Variants in ZNF365 observed in about 807,000 individuals in gnomAD.
The protein encoded by ZNF365 is zinc finger protein 365.
A neutral mutation model predicts 35.0 loss-of-function variants in ZNF365; 22 were observed. That is an observed-to-expected ratio of 0.63 (90% CI 0.45 to 0.90). ZNF365 has a LOEUF of 0.90. Among genes scored for constraint, ZNF365 ranks in the 40% least tolerant of loss-of-function variants. The pLI is 0.00. For missense variants in ZNF365, 448 were observed against 500.3 expected, an observed-to-expected ratio of 0.90 and a Z score of 1.00; for synonymous variants, 188 against 196.2, an observed-to-expected ratio of 0.96 and a Z score of 0.35.
downstream of ZNF365, chr10:62,402,498 T>C: frequency 1.0e-6 from 1 of 978,184 alleles, no homozygotes; most frequent in Non-Finnish European, 1.2e-6. Flanking sequence ...GGGAGCCAAG[T>C]ATGTTGATCC....
chr10:62,455,161 T>C (rs1473882648), intron 3 of ZNF365, among the ~76,000 whole-genome samples: 6 of 151,396 alleles, frequency 4.0e-5, no homozygotes, highest in Admixed American at 3.3e-4. Context: ...AGCAGGGGAG[T>C]GTTATAAATG....
intron 3 of ZNF365, 104 bp from the exon 4 acceptor site, chr10:62,398,636 T>G: frequency 9.9e-7 from 1 of 1,013,336 alleles, no homozygotes; most frequent in Non-Finnish European, 1.5e-6. Flanking sequence ...AGTCACTGAC[T>G]CCCTTAATGG....
chr10:62,469,785 A>G (rs1200928270), intron 4 of ZNF365, among the ~76,000 whole-genome samples: 1 of 152,306 alleles, frequency 6.6e-6, no homozygotes, highest in East Asian at 1.9e-4. Flanking sequence ...CCTGTGTGAT[A>G]CTATTGTCAC....
At chr10:62,411,397 T>C (rs1477745416) in intron 3 of ZNF365, among the ~76,000 whole-genome samples, 1 of 152,130 alleles carries the variant, frequency 6.6e-6, no homozygotes, top group African/African-American at 2.4e-5. Flanking sequence ...CTCCTAGGGT[T>C]TTTATAGTTT....
At chr10:62,422,792 G>A (rs752877615) in intron 3 of ZNF365, among the ~76,000 whole-genome samples, 24 of 152,156 alleles carry the variant, frequency 1.6e-4, no homozygotes, top group South Asian at 6.2e-4. Flanking sequence ...TTGGGTGTTC[G>A]TAGAGTACTC....
At position 62,401,465 on chromosome 10, in the gene ZNF365, T is replaced by C; in HGVS notation, c.*1676T>C. 1.0e-6 allele frequency: 1 copy of C among 961,618 alleles called. No individual in the cohort carries two copies. The allele number at this position is 961,618 out of a possible 1,614,324, so 59.6% of individuals were successfully genotyped here. ...ACCATAATGAAAATGTTCTTGAATCTTCACTTTGACTTTCAGTTTATGGGG... is the reference window on the plus strand; with the variant it reads ...ACCATAATGAAAATGTTCTTGAATCCTCACTTTGACTTTCAGTTTATGGGG... On this transcript the variant is annotated 3_prime_UTR_variant, in exon 5 of 5. Coordinates refer to ENST00000395254, the MANE Select transcript of ZNF365 (RefSeq NM_014951.3).
intron 3 of ZNF365, among the ~76,000 whole-genome samples, chr10:62,432,310 A>G (rs1455796084): frequency 6.6e-6 from 1 of 152,164 alleles, no homozygotes; most frequent in Non-Finnish European, 1.5e-5. Flanking sequence ...TGTCTCCATC[A>G]TTTGGTCCCA....
chr10:62,425,353 T>G (rs931294450), intron 3 of ZNF365, among the ~76,000 whole-genome samples: 1 of 152,220 alleles, frequency 6.6e-6, no homozygotes, highest in East Asian at 1.9e-4. Flanking sequence ...AATCTCAATA[T>G]AAACAAAATA....
chr10:62,451,062 G>T (rs1258851424), intron 3 of ZNF365, among the ~76,000 whole-genome samples: 1 of 152,102 alleles, frequency 6.6e-6, no homozygotes, highest in Admixed American at 6.6e-5. Flanking sequence ...ATCCACACAT[G>T]CCCCAAATGA....
At chr10:62,405,562 C>A (rs1489500963), downstream of ZNF365, among the ~76,000 whole-genome samples, 1 of 152,142 alleles carries the variant, frequency 6.6e-6, no homozygotes, top group Non-Finnish European at 1.5e-5. Context: ...TTCTCAGTGT[C>A]CTAAAATTCT....
intron 3 of ZNF365, among the ~76,000 whole-genome samples, chr10:62,394,940 G>C (rs772054402): frequency 2.0e-5 from 3 of 152,194 alleles, no homozygotes; most frequent in Non-Finnish European, 4.4e-5. Context: ...AGTGGAGAGA[G>C]TGAGATCCGG....
intron 4 of ZNF365, among the ~76,000 whole-genome samples, chr10:62,477,727 G>A (rs903981192): frequency 6.6e-6 from 1 of 152,090 alleles, no homozygotes; most frequent in African/African-American, 2.4e-5. Context: ...TGGGGCCCAG[G>A]CTTTCACTTG....
chr10:62,463,187 T>C (rs1489443340), intron 4 of ZNF365, among the ~76,000 whole-genome samples: 1 of 152,234 alleles, frequency 6.6e-6, no homozygotes. Flanking sequence ...TGCAAAGCTC[T>C]CAACAGCTAG....
chr10:62,476,005 G>T (rs1395898359), intron 4 of ZNF365, among the ~76,000 whole-genome samples: 1 of 152,064 alleles, frequency 6.6e-6, no homozygotes, highest in Non-Finnish European at 1.5e-5. Context: ...GGATACAGTG[G>T]AGGGAGCCAA....
intron 3 of ZNF365, among the ~76,000 whole-genome samples, chr10:62,421,291 T>C (rs140958314): frequency 0.011 from 1,731 of 152,258 alleles, 14 homozygotes; most frequent in Middle Eastern, 0.027. Context: ...GGCACAATTA[T>C]GTACTGCAAA....
At chr10:62,413,014 C>T (rs1840010293) in intron 3 of ZNF365, among the ~76,000 whole-genome samples, 2 of 152,104 alleles carry the variant, frequency 1.3e-5, no homozygotes, top group South Asian at 4.1e-4. Context: ...GGCTAATAGG[C>T]AACTCTCCCT....
intron 4 of ZNF365, among the ~76,000 whole-genome samples, chr10:62,474,833 A>G (rs1841101505): frequency 6.6e-6 from 1 of 152,228 alleles, no homozygotes; most frequent in East Asian, 1.9e-4. Flanking sequence ...TTCACAGTGG[A>G]GTAGCTCCAG....
exon 5 of ZNF365, chr10:62,480,238 G>A: frequency 9.7e-7 from 1 of 1,031,420 alleles, no homozygotes; most frequent in Non-Finnish European, 1.2e-6. Context: ...ATTTAGCTTG[G>A]GACATGGCAG....
chr10:62,452,448 A>G (rs1840697865), intron 3 of ZNF365, among the ~76,000 whole-genome samples: 1 of 152,230 alleles, frequency 6.6e-6, no homozygotes, highest in East Asian at 1.9e-4. Flanking sequence ...CTAGAATCTT[A>G]CACTGACCAA....
Sources: gnomAD v4.1 joint callset for allele counts (sites outside exome capture counted in the v4.1 genomes callset) on GRCh38, gnomAD v4.1.1 for gene constraint, MANE v1.5 for transcripts, NCBI Gene and HGNC (gene_info 2026-07-23, HGNC 2026-07-21) for gene names.